The following FHIP1A variants were observed in gnomAD, a reference collection of about 807,000 sequenced individuals.
FHIP1A encodes FHF complex subunit HOOK interacting protein 1A, also known as FHF complex subunit HOOK-interacting protein 1A.
A neutral mutation model predicts 88.6 loss-of-function variants in FHIP1A; 61 were observed. That is an observed-to-expected ratio of 0.69 (90% CI 0.56 to 0.85). FHIP1A has a LOEUF of 0.85. Among genes scored for constraint, FHIP1A ranks in the 40% least tolerant of loss-of-function variants. FHIP1A has a pLI of 0.00. For synonymous variants in FHIP1A, 478 were observed against 496.0 expected, an observed-to-expected ratio of 0.96 and a Z score of 0.48; for missense variants, 1,154 against 1,273.5, an observed-to-expected ratio of 0.91 and a Z score of 1.43.
At chr4:151,426,740 G>A (rs896318313) in intron 1 of FHIP1A, among the ~76,000 whole-genome samples, 16 of 152,292 alleles carry the variant, frequency 1.1e-4, no homozygotes, top group Middle Eastern at 6.8e-3. Context: ...GGCATACAGA[G>A]AGCACTTCCT....
intron 3 of FHIP1A, among the ~76,000 whole-genome samples, chr4:151,536,458 T>C (rs556691988): frequency 1.3e-5 from 2 of 152,308 alleles, no homozygotes; most frequent in South Asian, 4.1e-4. Flanking sequence ...CTGCCCTCCC[T>C]GCCCCCATTT....
chr4:151,467,808 G>A (rs1198070760), intron 2 of FHIP1A, among the ~76,000 whole-genome samples: 5 of 151,938 alleles, frequency 3.3e-5, no homozygotes, highest in Admixed American at 3.3e-4. Context: ...GGAGGGGAAC[G>A]ACACACACCA....
chr4:151,523,189 TAAG>T (rs1731508565), intron 3 of FHIP1A, among the ~76,000 whole-genome samples: 1 of 152,202 alleles, frequency 6.6e-6, no homozygotes, highest in South Asian at 2.1e-4. Context: ...AAAATCAACT[TAAG>T]AAGAGGTGGC....
At chr4:151,540,178 T>G (rs1280624064) in intron 3 of FHIP1A, among the ~76,000 whole-genome samples, 1 of 152,234 alleles carries the variant, frequency 6.6e-6, no homozygotes, top group Non-Finnish European at 1.5e-5. Flanking sequence ...TGTCATTTTT[T>G]AAAATGATTA....
intron 3 of FHIP1A, among the ~76,000 whole-genome samples, chr4:151,552,967 C>T (rs1479447060): frequency 6.6e-6 from 1 of 152,064 alleles, no homozygotes; most frequent in African/African-American, 2.4e-5. Flanking sequence ...AACCACCTTT[C>T]TTACACAATT....
At chr4:151,445,221 C>A (rs1165089665) in intron 1 of FHIP1A, among the ~76,000 whole-genome samples, 3 of 151,898 alleles carry the variant, frequency 2.0e-5, no homozygotes, top group African/African-American at 7.3e-5. Flanking sequence ...AAATGAACAA[C>A]CAGGTGAAGA....
chr4:151,521,675 TTGTATGTATGTATGTATGTATGTATGTA>T (rs35842414), intron 3 of FHIP1A, among the ~76,000 whole-genome samples: 12 of 150,328 alleles, frequency 8.0e-5, no homozygotes, highest in South Asian at 2.1e-4. Flanking sequence ...GTATGTCAGT[TTGTATGTATGTATGTATGTATGTATGTA>T]TGTATGTATG....
chr4:151,416,806 C>T (rs1732907996), intron 1 of FHIP1A, among the ~76,000 whole-genome samples: 1 of 150,562 alleles, frequency 6.6e-6, no homozygotes. Context: ...TTTTTTGAAG[C>T]AGGGTCTCAC....
At chr4:151,556,160 A>G (rs906982833) in intron 3 of FHIP1A, among the ~76,000 whole-genome samples, 1 of 152,132 alleles carries the variant, frequency 6.6e-6, no homozygotes, top group Non-Finnish European at 1.5e-5. Flanking sequence ...ACATGGTCAG[A>G]TTTTTAAAGC....
chr4:151,433,539 G>A (rs1733673671), intron 1 of FHIP1A, among the ~76,000 whole-genome samples: 1 of 152,016 alleles, frequency 6.6e-6, no homozygotes, highest in Non-Finnish European at 1.5e-5. Flanking sequence ...TAATGGCGCT[G>A]GTGAGACATT....
chr4:151,588,780 A>T (rs1051126627), intron 6 of FHIP1A, 60 bp from the exon 7 acceptor site: 5 of 1,082,760 alleles, frequency 4.6e-6, no homozygotes, highest in Non-Finnish European at 6.9e-6. Context: ...GAATTGTTTT[A>T]TTTTAAGAAC....
chr4:151,644,160 T>C (rs1341395639), intron 9 of FHIP1A, among the ~76,000 whole-genome samples: 2 of 152,192 alleles, frequency 1.3e-5, no homozygotes, highest in Non-Finnish European at 2.9e-5. Context: ...AAATCCTGTG[T>C]AATCCGAATT....
At chr4:151,658,397 G>A (rs1383626776) in intron 13 of FHIP1A, among the ~76,000 whole-genome samples, 2 of 152,212 alleles carry the variant, frequency 1.3e-5, no homozygotes, top group African/African-American at 4.8e-5. Flanking sequence ...ATCAGTGGGT[G>A]GCTGGATGTC....
chr4:151,620,952 CAG>C (rs1295801945), intron 7 of FHIP1A, among the ~76,000 whole-genome samples: 1 of 151,094 alleles, frequency 6.6e-6, no homozygotes, highest in African/African-American at 2.4e-5. Flanking sequence ...GAAACAAATG[CAG>C]AGAGTGGAGG....
At chr4:151,597,901 G>A (rs1734711918) in intron 7 of FHIP1A, among the ~76,000 whole-genome samples, 1 of 152,174 alleles carries the variant, frequency 6.6e-6, no homozygotes, top group Non-Finnish European at 1.5e-5. Context: ...GAGTGTCCCA[G>A]GTCGACTTCA....
intron 1 of FHIP1A, among the ~76,000 whole-genome samples, chr4:151,415,478 C>G (rs1732856512): frequency 6.6e-6 from 1 of 152,064 alleles, no homozygotes; most frequent in Non-Finnish European, 1.5e-5. Flanking sequence ...ATGCCTGGCC[C>G]TATAACATGG....
Position 151,578,001 on chromosome 4 carries a change from G to A in FHIP1A, c.657G>A (p.Leu219=). The part of the protein sequence containing the change: ...GSVGQQARDA[L]LFIMSLSAEN... ...TAGGCCAGCAAGCTCGGGATGCATT[G>A]CTCTTCATCATGTCTCTTTCTGCTG... Residue 219 remains leucine, a synonymous_variant, in exon 5 of 14, where the codon TTG becomes TTA. Transcript: ENST00000435205. The A allele has an allele frequency of 6.4e-7, 1 of 1,550,836 alleles. No homozygotes were observed. Among genetic ancestry groups the A allele is most frequent in the Non-Finnish European group, 8.7e-7 (1 of 1,146,836 alleles).
At chr4:151,503,639 TTC>T (rs762742742) in intron 3 of FHIP1A, among the ~76,000 whole-genome samples, 1 of 152,154 alleles carries the variant, frequency 6.6e-6, no homozygotes, top group Non-Finnish European at 1.5e-5. Context: ...ACCCAACTCA[TTC>T]TCTTTCTCTT....
chr4:151,450,612 T>C (rs553743169), intron 1 of FHIP1A, among the ~76,000 whole-genome samples: 56 of 152,322 alleles, frequency 3.7e-4, no homozygotes, highest in African/African-American at 8.4e-4. Context: ...GTAATACCAC[T>C]GTTAGGCCAA....
Sources: allele counts gnomAD v4.1 joint callset (sites outside exome capture counted in the v4.1 genomes callset), GRCh38; gene constraint gnomAD v4.1.1; transcripts MANE v1.5; gene names NCBI Gene and HGNC (gene_info 2026-07-23, HGNC 2026-07-21).